NKD2: variants seen among roughly 807,000 people sequenced by gnomAD.
NKD2 encodes the protein NKD inhibitor of Wnt signaling pathway 2.
Under a neutral mutation model 34.8 loss-of-function variants are expected in NKD2, and 43 were observed. The ratio of observed to expected loss-of-function variants is 1.24; its 90% CI spans 0.97 to 1.60. The LOEUF is 1.60. Ranked by LOEUF, NKD2 falls within the 40% of genes most tolerant of loss-of-function variation. The pLI, the probability that NKD2 is intolerant of heterozygous loss-of-function variation, is 0.00. For missense variants in NKD2, 675 were observed against 627.1 expected, an observed-to-expected ratio of 1.08 and a Z score of -0.82; for synonymous variants, 278 against 265.1, an observed-to-expected ratio of 1.05 and a Z score of -0.47.
In NKD2 at chr5:1,037,893, T is replaced by C. The variant is rs781287257; in HGVS notation, c.876T>C (p.His292=). The change falls in exon 10 of 10, where the codon CAT becomes CAC. Residue 292 remains histidine (H), a synonymous_variant. Coordinates refer to ENST00000296849, the MANE Select transcript of NKD2 (RefSeq NM_033120.4). ...ARSRSQEPDT[H]AVHHRRSQVL... ...CCCGCTCCCAGGAGCCAGATACACA[T>C]GCCGTACACCACCGCAGGTCACAGG... 3.9e-5 allele frequency: 63 copies of C among 1,606,026 alleles called. No homozygotes were observed. Among genetic ancestry groups the C allele is most frequent in the Non-Finnish European group, 5.1e-5 (60 of 1,179,412 alleles).
At position 1,038,359 on chromosome 5, in the gene NKD2, T is replaced by G; in HGVS notation, c.1342T>G (p.Phe448Val). 1 of 1,534,732 alleles carries G rather than the reference T, an allele frequency of 6.5e-7. No individual in the cohort carries two copies. The highest frequency in any genetic ancestry group is 8.7e-7 in the Non-Finnish European group (1 of 1,146,680). Residue 448 changes from phenylalanine (F) to valine (V), a missense_variant, in exon 10 of 10, where the codon TTC becomes GTC. By Grantham distance (50) the Phe-to-Val change is conservative. Coordinates refer to ENST00000296849, the MANE Select transcript of NKD2 (RefSeq NM_033120.4). The surrounding 1 kb of genome is among the most constrained non-coding windows in gnomAD (Gnocchi z 4.5). ...CCACCACCACCACCACCACCACCAC[T>G]TCCACCCGTCCTAGCGCCACTGCCA... ...EHHHHHHHHH[F>V]HPS
At chr5:1,032,085 C>A in intron 3 of NKD2, 67 bp from the exon 4 acceptor site, 2 of 1,303,566 alleles carry the variant, frequency 1.5e-6, no homozygotes, top group Non-Finnish European at 2.2e-6. Flanking sequence ...CCGCCCAGAG[C>A]TCCTGCCCAT....
chr5:1,037,510 C>T, intron 9 of NKD2: 2 of 1,534,080 alleles, frequency 1.3e-6, no homozygotes, highest in Non-Finnish European at 1.7e-6. Context: ...TGCCACGGCG[C>T]CCCAAGCAGG....
At chr5:1,037,769 A>G (rs1024183224) in intron 9 of NKD2, 36 bp from the exon 10 acceptor site, 1 of 1,562,480 alleles carries the variant, frequency 6.4e-7, no homozygotes, top group Middle Eastern at 1.7e-4. Flanking sequence ...CTGAGCCTGC[A>G]CTCCCAGGGC....
chr5:1,032,660 T>C (rs1223326725), intron 4 of NKD2, among the ~76,000 whole-genome samples: 3 of 152,210 alleles, frequency 2.0e-5, no homozygotes, highest in African/African-American at 7.2e-5. Flanking sequence ...GGCTTACCTG[T>C]GGGTCTGTGG....
intron 8 of NKD2, chr5:1,035,768 C>T (rs1725728688): frequency 2.1e-6 from 1 of 470,784 alleles, no homozygotes; most frequent in Non-Finnish European, 3.8e-6. Context: ...TGTGGCTCCA[C>T]TCAGCAGCTT....
At position 1,028,475 on chromosome 5, in the gene NKD2, T is replaced by G. The variant is rs186364688; in HGVS notation, c.142-3677T>G. On this transcript the variant is annotated intron_variant, in intron 3 of 9. Coordinates refer to ENST00000296849, the MANE Select transcript of NKD2 (RefSeq NM_033120.4). ...AGCTGCTCAGGCAGATGCGGCTGCT[T>G]TCCTTATGGGATGAGGCCCCACGGG... Among the ~76,000 whole-genome samples the G allele has an allele frequency of 3.9e-4, 60 of 152,194 alleles. No homozygotes were observed. In the East Asian group the frequency reaches 0.011, roughly 29 times the overall value.
Position 1,034,276 on chromosome 5 carries a change from G to A in NKD2, c.372G>A (p.Gln124=). The A allele has an allele frequency of 1.2e-6, 2 of 1,612,340 alleles. No homozygotes were observed. The highest frequency in any genetic ancestry group is 1.7e-6 in the Non-Finnish European group (2 of 1,179,724). ...TCTCGGTGGAGGAGGACGACCGCCA[G>A]GAGTGGACGTTCACGCTCTATGACT... ...CDVSVEEDDR[Q]EWTFTLYDFD... The change falls in exon 6 of 10, where the codon CAG becomes CAA. Residue 124 remains glutamine (Q), a synonymous_variant. Transcript: ENST00000296849.
chr5:1,034,255 G>A lies in NKD2; in HGVS notation c.351G>A (p.Ser117=), dbSNP rs748212504. ...CACAGGCACTCCAGTGCGATGTCTC[G>A]GTGGAGGAGGACGACCGCCAGGAGT... ...LNIDALQCDV[S]VEEDDRQEWT... Residue 117 remains serine (S), a synonymous_variant, in exon 6 of 10, where the codon TCG becomes TCA. Transcript: ENST00000296849. 1.4e-5 allele frequency: 23 copies of A among 1,612,108 alleles called. No homozygotes were observed. The highest frequency in any genetic ancestry group is 1.1e-4 in the East Asian group (5 of 44,888).
rs1045484277 is a variant in NKD2, at chr5:1,038,014, T to A, written c.997T>A (p.Ser333Thr). The stretch of plus-strand genomic sequence containing the variant: ...GGGGCCGGAGAAGCAGTTCCTCAAG[T>A]CCCCCAAGGGCTCCGGGAAGCCGCC... ...PKGPEKQFLKSPKGSGKPPGV... is the reference protein window; with the variant it reads ...PKGPEKQFLKTPKGSGKPPGV... Residue 333 changes from serine (S) to threonine (T), a missense_variant, in exon 10 of 10, where the codon TCC (serine) becomes ACC (threonine). By Grantham distance (58) the Ser-to-Thr change is moderately conservative. Coordinates refer to ENST00000296849, the MANE Select transcript of NKD2 (RefSeq NM_033120.4). This position sits in a 1 kb window ranked among gnomAD's most constrained non-coding sequence, Gnocchi z 4.5. 2 of 1,607,800 alleles carry A rather than the reference T, an allele frequency of 1.2e-6. No individual in the cohort carries two copies. The highest frequency in any genetic ancestry group is 1.7e-6 in the Non-Finnish European group (2 of 1,178,592).
intron 3 of NKD2, among the ~76,000 whole-genome samples, chr5:1,026,315 C>T (rs1342558578): frequency 1.8e-5 from 1 of 55,810 alleles, no homozygotes; most frequent in African/African-American, 4.7e-5. Context: ...GCTCTTCCCA[C>T]CCGCTGTGGG....
chr5:1,013,436 T>G (rs1560982687), intron 3 of NKD2, among the ~76,000 whole-genome samples: 1 of 152,204 alleles, frequency 6.6e-6, no homozygotes, highest in Admixed American at 6.5e-5. Flanking sequence ...AGCACAGACA[T>G]GCACAGAGGC....
chr5:1,010,527 A>G (rs1340001552), intron 3 of NKD2, among the ~76,000 whole-genome samples: 2 of 152,174 alleles, frequency 1.3e-5, no homozygotes, highest in Non-Finnish European at 2.9e-5. Flanking sequence ...CTGCTTGGAA[A>G]TTAACATGCA....
At position 1,034,173 on chromosome 5, in the gene NKD2, G is replaced by A. The variant is rs1733680909; in HGVS notation, c.331-62G>A. The A allele has an allele frequency of 3.3e-6, 4 of 1,199,426 alleles. No individual in the cohort carries two copies. The Admixed American group carries it at 5.7e-5, about 17-fold the overall frequency. The allele number at this position is 1,199,426 out of a possible 1,614,324, so 74.3% of individuals were successfully genotyped here. On this transcript the variant is annotated intron_variant, in intron 5 of 9. Transcript: ENST00000296849. Reference sequence around the variant, plus strand: ...AAGGCCCCAGAAGATCCTTCCCCCTGTGGAGTTGGGCGTGTTGGCGTGGGT... The same window carrying A: ...AAGGCCCCAGAAGATCCTTCCCCCTATGGAGTTGGGCGTGTTGGCGTGGGT...
intron 3 of NKD2, among the ~76,000 whole-genome samples, chr5:1,021,728 GC>G (rs1229826818): frequency 1.3e-5 from 2 of 151,700 alleles, no homozygotes; most frequent in Admixed American, 6.6e-5. Context: ...GCAGAAGTGG[GC>G]CCCCGGCACC....
intron 3 of NKD2, among the ~76,000 whole-genome samples, chr5:1,012,651 C>T (rs1056068211): frequency 2.6e-5 from 4 of 152,262 alleles, no homozygotes; most frequent in Admixed American, 6.5e-5. Flanking sequence ...GCCTTGCTCA[C>T]GGGAACTGGG....
At chr5:1,028,958 C>T (rs1756533992) in intron 3 of NKD2, among the ~76,000 whole-genome samples, 1 of 151,918 alleles carries the variant, frequency 6.6e-6, no homozygotes, top group Admixed American at 6.5e-5. Context: ...GACTTGGCCT[C>T]TCAGAAGGTC....
At chr5:1,015,411 G>A (rs1229406061) in intron 3 of NKD2, among the ~76,000 whole-genome samples, 2 of 152,228 alleles carry the variant, frequency 1.3e-5, no homozygotes, top group Non-Finnish European at 1.5e-5. Flanking sequence ...GGTAGTTCTT[G>A]AAGCCAGACA....
In NKD2 at chr5:1,037,957, G is replaced by A. The variant is rs774732230; in HGVS notation, c.940G>A (p.Ala314Thr). The change falls in exon 10 of 10, where the codon GCC becomes ACC. Residue 314 changes from alanine (A) to threonine (T), a missense_variant. By Grantham distance (58) the Ala-to-Thr change is moderately conservative (BLOSUM62 0). Coordinates refer to ENST00000296849, the MANE Select transcript of NKD2 (RefSeq NM_033120.4). ...EHVVPASEPAARALDTQPRPK... is the reference protein window; with the variant it reads ...EHVVPASEPATRALDTQPRPK... ...CGTCGTGCCAGCCTCGGAGCCTGCT[G>A]CCCGGGCCCTGGACACGCAGCCCCG... 6.8e-6 allele frequency: 11 copies of A among 1,605,942 alleles called. No individual in the cohort carries two copies. In the South Asian group the frequency reaches 1.2e-4, roughly 18 times the overall value.
Sources: gnomAD v4.1 joint callset for allele counts (sites outside exome capture counted in the v4.1 genomes callset) on GRCh38, gnomAD v4.1.1 for gene constraint, Gnocchi (gnomAD v3.1) non-coding constraint, MANE v1.5 for transcripts, NCBI Gene and HGNC (gene_info 2026-07-23, HGNC 2026-07-21) for gene names.